COMMD10: variants seen among roughly 807,000 people sequenced by gnomAD.
COMMD10 encodes the protein COMM domain-containing protein 10.
COMMD10 carries 33 observed loss-of-function variants against 28.9 expected under a neutral mutation model. The observed-to-expected ratio is 1.14, with a 90% CI of 0.87 to 1.53. The LOEUF is 1.53. Ranked by LOEUF, COMMD10 falls within the 40% of genes most tolerant of loss-of-function variation. COMMD10 has a pLI of 0.00. For missense variants in COMMD10, 310 were observed against 233.4 expected, an observed-to-expected ratio of 1.33 and a Z score of -2.14; for synonymous variants, 110 against 81.7, an observed-to-expected ratio of 1.35 and a Z score of -1.87.
At chr5:116,155,217 C>T (rs1413931684) in intron 5 of COMMD10, among the ~76,000 whole-genome samples, 1 of 152,026 alleles carries the variant, frequency 6.6e-6, no homozygotes, top group Non-Finnish European at 1.5e-5. Flanking sequence ...TTTAGTTATT[C>T]TATTTCTGGT....
intron 4 of COMMD10, among the ~76,000 whole-genome samples, chr5:116,113,353 T>C (rs1195567703): frequency 7.7e-6 from 1 of 129,518 alleles, no homozygotes; most frequent in Non-Finnish European, 1.7e-5. Flanking sequence ...TGTCTGTATC[T>C]CTTGCTAGCC....
At chr5:116,288,210 C>G (rs920648633) in intron 5 of COMMD10, among the ~76,000 whole-genome samples, 5 of 151,674 alleles carry the variant, frequency 3.3e-5, no homozygotes, top group Non-Finnish European at 5.9e-5. Flanking sequence ...TGCAGTATTC[C>G]TGATTAATAG....
chr5:116,174,511 T>C (rs1187807879), intron 5 of COMMD10, among the ~76,000 whole-genome samples: 2 of 152,192 alleles, frequency 1.3e-5, no homozygotes, highest in Non-Finnish European at 2.9e-5. Flanking sequence ...AGCAATGATA[T>C]AACTGATGGA....
At chr5:116,275,200 T>G (rs912773164) in intron 5 of COMMD10, among the ~76,000 whole-genome samples, 1 of 151,840 alleles carries the variant, frequency 6.6e-6, no homozygotes, top group African/African-American at 2.4e-5. Flanking sequence ...TTTGTGGATG[T>G]ACCTCCAAAA....
intron 5 of COMMD10, among the ~76,000 whole-genome samples, chr5:116,145,762 G>A (rs1264389109): frequency 2.0e-5 from 3 of 151,766 alleles, no homozygotes; most frequent in African/African-American, 7.3e-5. Flanking sequence ...GAGTTCTCAC[G>A]AGATGTGATT....
intron 5 of COMMD10, among the ~76,000 whole-genome samples, chr5:116,168,539 G>A (rs185348854): frequency 6.6e-6 from 1 of 152,174 alleles, no homozygotes; most frequent in African/African-American, 2.4e-5. Context: ...ATTCTTCTCA[G>A]CACTGCATCC....
chr5:116,218,797 T>C (rs1011629578), intron 5 of COMMD10, among the ~76,000 whole-genome samples: 6 of 152,154 alleles, frequency 3.9e-5, no homozygotes, highest in African/African-American at 1.4e-4. Flanking sequence ...GAACTTACAT[T>C]CCTTCCTTTG....
chr5:116,269,313 A>G (rs1338581731), intron 5 of COMMD10, among the ~76,000 whole-genome samples: 1 of 151,850 alleles, frequency 6.6e-6, no homozygotes, highest in Non-Finnish European at 1.5e-5. Context: ...TTTAAGGGGA[A>G]AGCTAATCCA....
At chr5:116,133,569 C>G (rs889720515) in intron 4 of COMMD10, among the ~76,000 whole-genome samples, 1 of 152,108 alleles carries the variant, frequency 6.6e-6, no homozygotes, top group Non-Finnish European at 1.5e-5. Context: ...CATCTGGATA[C>G]TTTAGTTTCC....
chr5:116,237,027 A>G (rs923169970), intron 5 of COMMD10, among the ~76,000 whole-genome samples: 6 of 152,134 alleles, frequency 3.9e-5, no homozygotes, highest in African/African-American at 1.4e-4. Context: ...GCAAATTGCA[A>G]TTATTGAATA....
intron 5 of COMMD10, among the ~76,000 whole-genome samples, chr5:116,200,928 C>G (rs756556181): frequency 3.1e-4 from 47 of 152,138 alleles, no homozygotes; most frequent in Non-Finnish European, 6.0e-4. Flanking sequence ...CCTCTTCAAA[C>G]TCTGTGTTTT....
intron 5 of COMMD10, among the ~76,000 whole-genome samples, chr5:116,281,718 A>G (rs1751073374): frequency 6.6e-6 from 1 of 151,850 alleles, no homozygotes; most frequent in South Asian, 2.1e-4. Context: ...ATCCAGTTGT[A>G]TTGCCTGTAT....
At chr5:116,156,448 A>G (rs1442793407) in intron 5 of COMMD10, among the ~76,000 whole-genome samples, 1 of 152,178 alleles carries the variant, frequency 6.6e-6, no homozygotes, top group East Asian at 1.9e-4. Flanking sequence ...TGATATCTTC[A>G]TTTCCTTGAA....
At chr5:116,088,725 C>T (rs1750203922) in intron 2 of COMMD10, among the ~76,000 whole-genome samples, 1 of 152,192 alleles carries the variant, frequency 6.6e-6, no homozygotes, top group African/African-American at 2.4e-5. Context: ...TACTGAGTAA[C>T]TTGTTCATCC....
intron 5 of COMMD10, among the ~76,000 whole-genome samples, chr5:116,179,896 A>G (rs1359775074): frequency 1.3e-5 from 2 of 152,074 alleles, no homozygotes; most frequent in South Asian, 2.1e-4. Flanking sequence ...AAATGATTGG[A>G]CGAGATGGCA....
At chr5:116,170,462 C>G (rs1448973813) in intron 5 of COMMD10, among the ~76,000 whole-genome samples, 2 of 152,190 alleles carry the variant, frequency 1.3e-5, no homozygotes, top group Non-Finnish European at 2.9e-5. Flanking sequence ...CATTGAACTT[C>G]TTCACAGAAT....
Position 116,239,684 on chromosome 5 carries a change from C to T in COMMD10, c.511-51833C>T, listed in dbSNP as rs56321186. Among the ~76,000 whole-genome samples, 1,109 of 152,130 alleles carry T rather than the reference C, an allele frequency of 7.3e-3. 4 individuals are homozygous for T. The highest frequency in any genetic ancestry group is 0.011 in the Non-Finnish European group (733 of 67,984). On this transcript the variant is annotated intron_variant, in intron 5 of 6. Coordinates refer to ENST00000274458, the MANE Select transcript of COMMD10 (RefSeq NM_016144.4). ...ATTTGATCAGAATCTGTGTGCAAAC[C>T]AATTAAAAGCCCTGTCATAACTATT...
chr5:116,175,268 A>T (rs775056375), intron 5 of COMMD10, among the ~76,000 whole-genome samples: 9 of 152,176 alleles, frequency 5.9e-5, no homozygotes, highest in Non-Finnish European at 1.3e-4. Flanking sequence ...TGGCTTTAAA[A>T]AAAAATTGCT....
chr5:116,173,849 GTTTTT>G (rs761332339), intron 5 of COMMD10, among the ~76,000 whole-genome samples: 1 of 117,146 alleles, frequency 8.5e-6, no homozygotes, highest in Non-Finnish European at 1.7e-5. Flanking sequence ...TTTTGTTTTT[GTTTTT>G]TTTTTTTTGG....
Sources: gnomAD v4.1 joint callset for allele counts (sites outside exome capture counted in the v4.1 genomes callset) on GRCh38, gnomAD v4.1.1 for gene constraint, MANE v1.5 for transcripts, NCBI Gene and HGNC (gene_info 2026-07-23, HGNC 2026-07-21) for gene names.